Variants in SPATA17 observed in about 807,000 individuals in gnomAD.
SPATA17 encodes the protein spermatogenesis associated 17, also known as spermatogenesis-associated protein 17.
A neutral mutation model predicts 62.2 loss-of-function variants in SPATA17; 53 were observed. That is an observed-to-expected ratio of 0.85 (90% CI 0.68 to 1.07). SPATA17 has a LOEUF of 1.07. SPATA17 is among the 50% of genes least tolerant of loss of function. The probability of loss-of-function intolerance (pLI) is 0.00; values close to 1 mark genes in which losing one functional copy is unlikely to be tolerated. For synonymous variants in SPATA17, 146 were observed against 146.8 expected (o/e 0.99, Z 0.04); for missense variants, 466 against 425.5 (o/e 1.10, Z -0.84).
intron 9 of SPATA17, among the ~76,000 whole-genome samples, chr1:217,822,785 AT>A (rs35554409): frequency 0.29 from 43,335 of 149,822 alleles, 7,527 homozygotes; most frequent in Non-Finnish European, 0.38. Flanking sequence ...TCTGTTTTCT[AT>A]TTTTTTTATA....
At chr1:217,710,149 G>A (rs1671824379) in intron 5 of SPATA17, among the ~76,000 whole-genome samples, 2 of 152,032 alleles carry the variant, frequency 1.3e-5, no homozygotes, top group Admixed American at 1.3e-4. Flanking sequence ...AAAATTGTGT[G>A]GTACATATGC....
chr1:217,636,180 G>A (rs1395068667), intron 1 of SPATA17, among the ~76,000 whole-genome samples: 1 of 148,522 alleles, frequency 6.7e-6, no homozygotes, highest in Non-Finnish European at 1.5e-5. Context: ...GTGACATGAT[G>A]TGACTTCTGT....
At chr1:217,799,341 A>G (rs1674235744) in intron 8 of SPATA17, among the ~76,000 whole-genome samples, 1 of 152,176 alleles carries the variant, frequency 6.6e-6, no homozygotes, top group Non-Finnish European at 1.5e-5. Context: ...GTTCAGACAC[A>G]AAAGAAAAAT....
intron 2 of SPATA17, among the ~76,000 whole-genome samples, chr1:217,650,145 G>A (rs1050487956): frequency 4.6e-5 from 7 of 151,868 alleles, no homozygotes; most frequent in Non-Finnish European, 7.4e-5. Flanking sequence ...CTCCATGTTG[G>A]TCAGGCTGGT....
chr1:217,648,749 T>A, intron 1 of SPATA17, 133 bp from the exon 2 acceptor site: 1 of 489,980 alleles, frequency 2.0e-6, no homozygotes, highest in Non-Finnish European at 3.5e-6. Flanking sequence ...ATTTATACTT[T>A]AATGTTATTT....
chr1:217,634,395 AT>A (rs1402222754), intron 1 of SPATA17, among the ~76,000 whole-genome samples: 4 of 151,998 alleles, frequency 2.6e-5, no homozygotes, highest in Non-Finnish European at 4.4e-5. Context: ...CAGAGATGAA[AT>A]CATAGAGGGT....
At chr1:217,703,387 G>A (rs1335578040) in intron 5 of SPATA17, among the ~76,000 whole-genome samples, 1 of 151,680 alleles carries the variant, frequency 6.6e-6, no homozygotes, top group African/African-American at 2.4e-5. Context: ...GGTCAGGCTG[G>A]TCTTGAGCTC....
chr1:217,707,680 C>T (rs1361126356), intron 5 of SPATA17, among the ~76,000 whole-genome samples: 1 of 152,148 alleles, frequency 6.6e-6, no homozygotes, highest in Non-Finnish European at 1.5e-5. Context: ...AGGACCTGAA[C>T]TTGACACTTG....
chr1:217,757,390 C>T (rs545753692), intron 6 of SPATA17, among the ~76,000 whole-genome samples: 9 of 152,228 alleles, frequency 5.9e-5, no homozygotes, highest in Non-Finnish European at 8.8e-5. Context: ...TCAGGGACAG[C>T]GGAGGAAAAC....
chr1:217,786,750 T>TTC (rs1553252152), intron 8 of SPATA17, among the ~76,000 whole-genome samples: 3 of 107,436 alleles, frequency 2.8e-5, no homozygotes, highest in Admixed American at 1.0e-4. Flanking sequence ...TGATATTCTC[T>TTC]TTCTTCTTCT....
chr1:217,843,075 AAC>A (rs1675447262), intron 9 of SPATA17, among the ~76,000 whole-genome samples: 1 of 152,222 alleles, frequency 6.6e-6, no homozygotes, highest in South Asian at 2.1e-4. Flanking sequence ...ATGTTAAAAC[AAC>A]AGAGTCTGTG....
chr1:217,703,940 C>T (rs1400662787), intron 5 of SPATA17, among the ~76,000 whole-genome samples: 5 of 151,966 alleles, frequency 3.3e-5, no homozygotes, highest in African/African-American at 7.2e-5. Context: ...TTTTTATTTT[C>T]AATGAATATA....
At chr1:217,817,679 A>T (rs143442586) in intron 9 of SPATA17, among the ~76,000 whole-genome samples, 149 of 152,198 alleles carry the variant, frequency 9.8e-4, no homozygotes, top group Middle Eastern at 6.8e-3. Flanking sequence ...CTGAAATTGC[A>T]GCATAATTTA....
chr1:217,790,941 T>G (rs1673983062), intron 8 of SPATA17, among the ~76,000 whole-genome samples: 1 of 152,194 alleles, frequency 6.6e-6, no homozygotes, highest in African/African-American at 2.4e-5. Context: ...ATCTCAAAAC[T>G]TTTTTGACTT....
At chr1:217,800,948 G>T (rs1219552975) in intron 8 of SPATA17, among the ~76,000 whole-genome samples, 1 of 151,978 alleles carries the variant, frequency 6.6e-6, no homozygotes, top group Non-Finnish European at 1.5e-5. Flanking sequence ...AGTTTATATG[G>T]GTTTTAAAAG....
intron 1 of SPATA17, among the ~76,000 whole-genome samples, chr1:217,645,244 G>A (rs1670152996): frequency 1.3e-5 from 2 of 151,872 alleles, no homozygotes; most frequent in Non-Finnish European, 2.9e-5. Flanking sequence ...ATCCCAAAAA[G>A]AAATTATTTA....
rs541924835 is a variant in SPATA17, at chr1:217,683,482, A to C, written c.395+121A>C. Reference sequence around the variant, plus strand: ...TAGATGGAGTCTTGCTCTGTTGCCCAGTCTGGAGTGCAGTGGCGCAATCTC... The same window carrying C: ...TAGATGGAGTCTTGCTCTGTTGCCCCGTCTGGAGTGCAGTGGCGCAATCTC... On this transcript the variant is annotated intron_variant, in intron 5 of 10. Coordinates refer to ENST00000366933, the MANE Select transcript of SPATA17 (RefSeq NM_138796.4). 2.6e-4 allele frequency: 173 copies of C among 662,164 alleles called. No homozygotes were observed. The East Asian group carries it at 5.3e-3, about 20-fold the overall frequency. 41.0% of individuals were successfully genotyped at this position (662,164 alleles called of 1,614,324 possible). A position where few individuals can be genotyped will look rare whatever the true frequency, so the allele number is the denominator to read the frequency against.
chr1:217,755,525 T>A (rs1171205699), intron 6 of SPATA17, among the ~76,000 whole-genome samples: 2 of 152,032 alleles, frequency 1.3e-5, no homozygotes, highest in East Asian at 3.9e-4. Context: ...AAAAGTGACA[T>A]CTACAAGGTG....
At chr1:217,683,792 A>T (rs865773758) in intron 5 of SPATA17, among the ~76,000 whole-genome samples, 32 of 152,064 alleles carry the variant, frequency 2.1e-4, no homozygotes, top group Middle Eastern at 6.8e-3. Flanking sequence ...ATTGATAAAA[A>T]ATATATATAT....
Sources: gnomAD v4.1 joint callset for allele counts (sites outside exome capture counted in the v4.1 genomes callset) on GRCh38, gnomAD v4.1.1 for gene constraint, MANE v1.5 for transcripts, NCBI Gene and HGNC (gene_info 2026-07-23, HGNC 2026-07-21) for gene names.